CNTLN: variants seen among roughly 807,000 people sequenced by gnomAD.
The protein encoded by CNTLN is centlein, centrosomal protein.
CNTLN carries 212 observed loss-of-function variants against 180.0 expected under a neutral mutation model. That is an observed-to-expected ratio of 1.18 (90% CI 1.05 to 1.32). The LOEUF is 1.32. Ranked by LOEUF, CNTLN falls within the 40% of genes most tolerant of loss-of-function variation. The pLI is 0.00. For missense variants in CNTLN, 2,095 were observed against 1,610.9 expected (o/e 1.30, Z -5.14); for synonymous variants, 722 against 563.1 (o/e 1.28, Z -3.99).
At chr9:17,303,684 C>G (rs1165467061) in intron 7 of CNTLN, among the ~76,000 whole-genome samples, 1 of 152,010 alleles carries the variant, frequency 6.6e-6, no homozygotes, top group Non-Finnish European at 1.5e-5. Context: ...ATTATTCATT[C>G]TTATTCTAGA....
chr9:17,437,917 A>T (rs1419336562), intron 18 of CNTLN, among the ~76,000 whole-genome samples: 3 of 152,140 alleles, frequency 2.0e-5, no homozygotes, highest in African/African-American at 7.2e-5. Flanking sequence ...AAGGAGTGGT[A>T]TTTGGGCTTA....
intron 15 of CNTLN, among the ~76,000 whole-genome samples, chr9:17,405,130 C>T (rs2133812094): frequency 6.6e-6 from 1 of 151,878 alleles, no homozygotes; most frequent in African/African-American, 2.4e-5. Flanking sequence ...CAGCATTTGA[C>T]ACAGTTGATT....
intron 16 of CNTLN, among the ~76,000 whole-genome samples, chr9:17,414,631 A>G (rs1359105273): frequency 6.6e-6 from 1 of 152,196 alleles, no homozygotes; most frequent in African/African-American, 2.4e-5. Context: ...GAAACTAATC[A>G]TTTGAAAGGA....
At chr9:17,294,738 G>C (rs368406313) in intron 6 of CNTLN, among the ~76,000 whole-genome samples, 2 of 128,892 alleles carry the variant, frequency 1.6e-5, no homozygotes, top group Non-Finnish European at 3.3e-5. Flanking sequence ...AGAGCTCGTC[G>C]GGGAGGCTGT....
chr9:17,512,724 A>G, the CNTLN span, among the ~76,000 whole-genome samples: 2 of 152,250 alleles, frequency 1.3e-5, no homozygotes, highest in African/African-American at 4.8e-5. Context: ...CTAAAAAGAA[A>G]TACCAGAATC....
intron 7 of CNTLN, 49 bp from the exon 8 acceptor site, chr9:17,309,009 C>T: frequency 7.9e-7 from 1 of 1,272,560 alleles, no homozygotes; most frequent in African/African-American, 1.5e-5. Context: ...CACACAGACA[C>T]ATAGTTTTAT....
chr9:17,202,340 T>A (rs1444878969), intron 2 of CNTLN, among the ~76,000 whole-genome samples: 2 of 152,204 alleles, frequency 1.3e-5, no homozygotes, highest in Non-Finnish European at 2.9e-5. Flanking sequence ...TCTGTAGATG[T>A]CTGTTAGTTC....
At chr9:17,330,589 TACAA>T in intron 8 of CNTLN, 39 bp from the exon 9 acceptor site, 1 of 1,059,174 alleles carries the variant, frequency 9.4e-7, no homozygotes, top group Non-Finnish European at 1.4e-6. Flanking sequence ...TAATGTAAGA[TACAA>T]ACATAGATAT....
At chr9:17,494,794 G>A (rs72614236) in intron 25 of CNTLN, 112,105 of 343,016 alleles carry the variant, frequency 0.33, 20,223 homozygotes, top group East Asian at 0.52. Context: ...GAAAAGTATA[G>A]CGTATACAAT....
At chr9:17,497,383 T>A (rs563556847) in intron 25 of CNTLN, among the ~76,000 whole-genome samples, 2 of 152,298 alleles carry the variant, frequency 1.3e-5, no homozygotes, top group Non-Finnish European at 1.5e-5. Context: ...AGTCTATGGC[T>A]AACTTAAATT....
At chr9:17,314,664 C>T (rs975481960) in intron 8 of CNTLN, among the ~76,000 whole-genome samples, 2 of 152,168 alleles carry the variant, frequency 1.3e-5, no homozygotes, top group South Asian at 2.1e-4. Flanking sequence ...CTGTTGTGGG[C>T]CTTGCTAAGG....
At chr9:17,290,166 G>A (rs997787560) in intron 6 of CNTLN, among the ~76,000 whole-genome samples, 1 of 152,026 alleles carries the variant, frequency 6.6e-6, no homozygotes. Context: ...TTTGATGATG[G>A]TGATGTACAG....
chr9:17,388,440 A>C (rs1395860534), intron 14 of CNTLN, among the ~76,000 whole-genome samples, 187 bp downstream of exon 14: 2 of 152,098 alleles, frequency 1.3e-5, no homozygotes, highest in African/African-American at 2.4e-5. Flanking sequence ...ATAAATGTGT[A>C]AACACTTGTG....
chr9:17,354,679 T>G (rs191126242), intron 12 of CNTLN, among the ~76,000 whole-genome samples: 43 of 152,192 alleles, frequency 2.8e-4, no homozygotes, highest in African/African-American at 1.0e-3. Context: ...ATCAGCGCCC[T>G]GTCAAAAGAG....
chr9:17,148,261 A>G (rs1818594438), intron 2 of CNTLN, among the ~76,000 whole-genome samples: 2 of 152,232 alleles, frequency 1.3e-5, no homozygotes, highest in South Asian at 4.1e-4. Context: ...TAGTGTTTAC[A>G]GACAATTCTA....
chr9:17,143,320 A>G lies in CNTLN; in HGVS notation c.393A>G (p.Lys131=), dbSNP rs199715926. Residue 131 remains lysine (K), a synonymous_variant, in exon 2 of 26, where the codon AAA becomes AAG. Transcript: ENST00000380647. ...AAGAATTTGTATGGTCTTTGTGGAA[A>G]CGTCTCCAGGTTACAAACCCAGATC... is the stretch of plus-strand genomic sequence containing the variant. ...ADKEFVWSLW[K]RLQVTNPDLT... 5.0e-6 allele frequency: 8 copies of G among 1,613,514 alleles called. No homozygotes were observed. Among genetic ancestry groups the G allele is most frequent in the Non-Finnish European group, 6.8e-6 (8 of 1,179,732 alleles).
intron 12 of CNTLN, among the ~76,000 whole-genome samples, chr9:17,349,383 A>C (rs940919008): frequency 6.6e-6 from 1 of 152,096 alleles, no homozygotes; most frequent in African/African-American, 2.4e-5. Flanking sequence ...TTCTGCAATA[A>C]TGTTTCTTTT....
chr9:17,409,270 T>C (rs1181089165), intron 15 of CNTLN, 23 bp from the exon 16 acceptor site: 1 of 1,598,330 alleles, frequency 6.3e-7, no homozygotes, highest in African/African-American at 1.4e-5. Context: ...TTGGATTTTA[T>C]GTCCCTACTT....
At chr9:17,364,894 C>G (rs1233575012) in intron 12 of CNTLN, among the ~76,000 whole-genome samples, 1 of 152,150 alleles carries the variant, frequency 6.6e-6, no homozygotes. Context: ...GCTTGGGATT[C>G]TGATATCATG....
Sources: gnomAD v4.1 joint callset for allele counts (sites outside exome capture counted in the v4.1 genomes callset) on GRCh38, gnomAD v4.1.1 for gene constraint, MANE v1.5 for transcripts, NCBI Gene and HGNC (gene_info 2026-07-23, HGNC 2026-07-21) for gene names.